Variants in SCHIP1 observed in about 807,000 individuals in gnomAD.
SCHIP1 encodes the protein schwannomin interacting protein 1.
A neutral mutation model predicts 29.7 loss-of-function variants in SCHIP1; 8 were observed. The ratio of observed to expected loss-of-function variants is 0.27; its 90% CI spans 0.16 to 0.49. SCHIP1 has a LOEUF of 0.49. Ranked by LOEUF, SCHIP1 falls within the 20% of genes least tolerant of loss-of-function variation. The probability of loss-of-function intolerance (pLI) is 0.99; values close to 1 mark genes in which losing one functional copy is unlikely to be tolerated. For missense variants in SCHIP1, 193 were observed against 294.6 expected (o/e 0.66, Z 2.52); for synonymous variants, 76 against 94.9 (o/e 0.80, Z 1.16).
the SCHIP1 span, among the ~76,000 whole-genome samples, chr3:159,382,840 C>T: frequency 6.6e-6 from 1 of 152,186 alleles, no homozygotes; most frequent in Non-Finnish European, 1.5e-5. Context: ...TTTTGATTTG[C>T]ATTTCTATGA....
chr3:159,553,283 G>C, the SCHIP1 span, among the ~76,000 whole-genome samples: 1 of 150,218 alleles, frequency 6.7e-6, no homozygotes, highest in South Asian at 2.1e-4. Flanking sequence ...AAAAAGACAT[G>C]GAAAAGAAAA....
chr3:159,284,545 G>C, the SCHIP1 span, among the ~76,000 whole-genome samples: 1 of 152,268 alleles, frequency 6.6e-6, no homozygotes, highest in African/African-American at 2.4e-5. Flanking sequence ...ATGGAGTGCA[G>C]TGGTGTAATC....
the SCHIP1 span, among the ~76,000 whole-genome samples, chr3:159,432,596 G>A: frequency 6.6e-6 from 1 of 152,048 alleles, no homozygotes; most frequent in South Asian, 2.1e-4. Context: ...GTCTTGAGGT[G>A]GATAAATGAA....
chr3:159,878,750 C>T (rs1716129615), intron 2 of SCHIP1, among the ~76,000 whole-genome samples: 1 of 149,560 alleles, frequency 6.7e-6, no homozygotes, highest in South Asian at 2.1e-4. Flanking sequence ...TGCACTCCAG[C>T]CTGGGCGACA....
chr3:159,523,624 T>G, the SCHIP1 span, among the ~76,000 whole-genome samples: 3 of 152,166 alleles, frequency 2.0e-5, no homozygotes, highest in Non-Finnish European at 4.4e-5. Flanking sequence ...AGCAACAGTG[T>G]GATTACTCGT....
At chr3:159,895,106 T>C (rs374792625) in intron 6 of SCHIP1, among the ~76,000 whole-genome samples, 1 of 152,242 alleles carries the variant, frequency 6.6e-6, no homozygotes, top group African/African-American at 2.4e-5. Flanking sequence ...GTGAGGCATA[T>C]GAGTTAGTCA....
At chr3:159,513,120 C>T in the SCHIP1 span, among the ~76,000 whole-genome samples, 3 of 152,226 alleles carry the variant, frequency 2.0e-5, no homozygotes, top group African/African-American at 2.4e-5. Flanking sequence ...TTTATTGATG[C>T]TATTTAGAAG....
the SCHIP1 span, among the ~76,000 whole-genome samples, chr3:159,753,319 A>G: frequency 6.6e-6 from 1 of 152,186 alleles, no homozygotes; most frequent in Non-Finnish European, 1.5e-5. Flanking sequence ...TATGTCTTAT[A>G]ACATCTTAGA....
At chr3:159,648,080 G>A in the SCHIP1 span, among the ~76,000 whole-genome samples, 5 of 152,140 alleles carry the variant, frequency 3.3e-5, no homozygotes, top group Non-Finnish European at 5.9e-5. Context: ...ACTGAGGAAG[G>A]AGGCTGCAAG....
the SCHIP1 span, among the ~76,000 whole-genome samples, chr3:159,590,073 G>A: frequency 1.9e-4 from 29 of 152,094 alleles, no homozygotes; most frequent in African/African-American, 5.5e-4. Context: ...GCTAAATCTC[G>A]CAGCCCTGGG....
the SCHIP1 span, among the ~76,000 whole-genome samples, chr3:159,789,668 G>T: frequency 6.6e-6 from 1 of 152,178 alleles, no homozygotes; most frequent in Non-Finnish European, 1.5e-5. Context: ...TGATTCTGCT[G>T]GTCCAGGGAT....
At chr3:159,734,571 C>T in the SCHIP1 span, among the ~76,000 whole-genome samples, 1 of 152,154 alleles carries the variant, frequency 6.6e-6, no homozygotes, top group South Asian at 2.1e-4. Flanking sequence ...ACACAAGCCA[C>T]TTACTTTATC....
chr3:159,387,383 G>A, the SCHIP1 span: 16 of 373,862 alleles, frequency 4.3e-5, no homozygotes, highest in Non-Finnish European at 6.9e-5. Flanking sequence ...TGATCTTCAT[G>A]TCCTTGACCA....
the SCHIP1 span, among the ~76,000 whole-genome samples, chr3:159,461,116 C>A: frequency 6.6e-6 from 1 of 152,182 alleles, no homozygotes; most frequent in African/African-American, 2.4e-5. Context: ...CAGCACTCTG[C>A]TGGGCACATC....
chr3:159,670,017 C>T, the SCHIP1 span, among the ~76,000 whole-genome samples: 21 of 152,116 alleles, frequency 1.4e-4, no homozygotes, highest in African/African-American at 2.7e-4. Flanking sequence ...TTCCAGGCCA[C>T]GATTTCTGGA....
the SCHIP1 span, among the ~76,000 whole-genome samples, chr3:159,690,881 T>C: frequency 7.2e-5 from 11 of 152,200 alleles, no homozygotes; most frequent in Non-Finnish European, 1.3e-4. Flanking sequence ...GGCAGGTTGT[T>C]AAGTTTCCAT....
At chr3:159,839,507 A>C (rs1484538265), upstream of SCHIP1, among the ~76,000 whole-genome samples, 1 of 152,076 alleles carries the variant, frequency 6.6e-6, no homozygotes, top group East Asian at 1.9e-4. Context: ...TTTTAGTTAT[A>C]AAGTTGACAA....
the SCHIP1 span, among the ~76,000 whole-genome samples, chr3:159,698,553 A>T: frequency 6.6e-6 from 1 of 152,224 alleles, no homozygotes; most frequent in African/African-American, 2.4e-5. Flanking sequence ...CTTGATAGGT[A>T]CAGAAGATCC....
the SCHIP1 span, among the ~76,000 whole-genome samples, chr3:159,658,278 C>T: frequency 1.3e-5 from 2 of 152,136 alleles, no homozygotes; most frequent in Non-Finnish European, 2.9e-5. Flanking sequence ...GTGACAGTAT[C>T]ATGGAGTCAC....
Sources: allele counts gnomAD v4.1 joint callset (sites outside exome capture counted in the v4.1 genomes callset), GRCh38; gene constraint gnomAD v4.1.1; transcripts MANE v1.5; gene names NCBI Gene and HGNC (gene_info 2026-07-23, HGNC 2026-07-21).